FBXL17: variants seen among roughly 807,000 people sequenced by gnomAD.
FBXL17 encodes F-box and leucine rich repeat protein 17.
In FBXL17, 22 loss-of-function variants were observed where a neutral mutation model predicts 66.2. The observed-to-expected ratio is 0.33, with a 90% CI of 0.24 to 0.47. FBXL17 has a LOEUF of 0.47. FBXL17 is among the 20% of genes least tolerant of loss of function. FBXL17 has a pLI of 1.00. For missense variants in FBXL17, 878 were observed against 948.2 expected (o/e 0.93, Z 0.97); for synonymous variants, 474 against 400.5 (o/e 1.18, Z -2.19).
At chr5:108,255,053 T>C (rs1207041366) in intron 4 of FBXL17, among the ~76,000 whole-genome samples, 1 of 152,202 alleles carries the variant, frequency 6.6e-6, no homozygotes, top group Non-Finnish European at 1.5e-5. Context: ...AAGTAAGTAT[T>C]ATCTCCATCA....
chr5:108,290,000 G>C (rs148124851), intron 4 of FBXL17, among the ~76,000 whole-genome samples: 10 of 152,280 alleles, frequency 6.6e-5, no homozygotes, highest in Non-Finnish European at 1.5e-4. Flanking sequence ...TTCATAGGGA[G>C]AGAATCTACT....
intron 4 of FBXL17, among the ~76,000 whole-genome samples, chr5:108,341,013 G>A (rs925509573): frequency 4.6e-5 from 7 of 152,086 alleles, no homozygotes; most frequent in African/African-American, 1.2e-4. Flanking sequence ...CATATATGCC[G>A]TAGAGAACTC....
chr5:107,979,488 G>C (rs901982634), intron 7 of FBXL17, among the ~76,000 whole-genome samples: 1 of 152,186 alleles, frequency 6.6e-6, no homozygotes, highest in Non-Finnish European at 1.5e-5. Context: ...GTTAAATTGC[G>C]TAATGGTGTG....
At chr5:108,247,166 C>T (rs967425634) in intron 4 of FBXL17, among the ~76,000 whole-genome samples, 3 of 152,022 alleles carry the variant, frequency 2.0e-5, no homozygotes, top group East Asian at 1.9e-4. Context: ...AATGCTAAAA[C>T]GATTATGTAA....
At chr5:108,376,786 CTTTTT>C (rs11286870) in intron 1 of FBXL17, among the ~76,000 whole-genome samples, 4 of 110,028 alleles carry the variant, frequency 3.6e-5, no homozygotes, top group Admixed American at 9.3e-5. Flanking sequence ...AGTGTATATT[CTTTTT>C]TTTTTTTTTT....
intron 6 of FBXL17, among the ~76,000 whole-genome samples, chr5:108,145,258 G>C (rs1029621885): frequency 6.6e-6 from 1 of 152,114 alleles, no homozygotes; most frequent in Admixed American, 6.5e-5. Flanking sequence ...GGAAGTACTT[G>C]TAGGAAAAAT....
intron 4 of FBXL17, chr5:108,298,006 C>G (rs1487191145): frequency 1.0e-6 from 1 of 984,354 alleles, no homozygotes; most frequent in Non-Finnish European, 1.2e-6. Context: ...ATGTAAGCTA[C>G]AGTCACCAAA....
At chr5:108,343,384 G>A (rs1417638566) in intron 4 of FBXL17, among the ~76,000 whole-genome samples, 2 of 152,120 alleles carry the variant, frequency 1.3e-5, no homozygotes, top group Admixed American at 1.3e-4. Flanking sequence ...ATATACTCTG[G>A]ATGATTTGGG....
chr5:107,946,623 G>C (rs1405153042), intron 7 of FBXL17, among the ~76,000 whole-genome samples: 1 of 151,808 alleles, frequency 6.6e-6, no homozygotes, highest in Non-Finnish European at 1.5e-5. Flanking sequence ...ATTTAATCTT[G>C]AATCACAATC....
At chr5:108,270,572 G>C (rs1298152586) in intron 4 of FBXL17, among the ~76,000 whole-genome samples, 3 of 150,168 alleles carry the variant, frequency 2.0e-5, no homozygotes, top group Admixed American at 6.7e-5. Context: ...AATTTGTCTA[G>C]TAAAACCAAA....
intron 4 of FBXL17, among the ~76,000 whole-genome samples, chr5:108,316,606 C>T (rs1759374447): frequency 6.6e-6 from 1 of 151,190 alleles, no homozygotes; most frequent in Admixed American, 6.6e-5. Context: ...ATTCAGAAGA[C>T]AAAACTTATT....
At chr5:108,021,056 G>A (rs929094380) in intron 6 of FBXL17, 55 bp from the exon 7 acceptor site, 117 of 1,282,794 alleles carry the variant, frequency 9.1e-5, no homozygotes, top group Middle Eastern at 1.9e-4. Flanking sequence ...ATTAGCAGGG[G>A]TTTGAATATA....
chr5:108,366,696 T>C (rs1748688234), intron 2 of FBXL17, among the ~76,000 whole-genome samples: 1 of 152,046 alleles, frequency 6.6e-6, no homozygotes, highest in African/African-American at 2.4e-5. Context: ...TCCATTCTAC[T>C]GCCCACAACT....
chr5:108,160,103 G>A (rs1364408018), intron 6 of FBXL17, among the ~76,000 whole-genome samples: 1 of 152,120 alleles, frequency 6.6e-6, no homozygotes, highest in African/African-American at 2.4e-5. Flanking sequence ...TGATTTGGAG[G>A]ACCTATTTGT....
At chr5:108,060,996 A>T (rs1354104901) in intron 6 of FBXL17, among the ~76,000 whole-genome samples, 1 of 152,024 alleles carries the variant, frequency 6.6e-6, no homozygotes, top group South Asian at 2.1e-4. Flanking sequence ...AATTCAAAAA[A>T]ATTTTCCTGA....
chr5:108,081,409 A>G (rs1465725791), intron 6 of FBXL17, among the ~76,000 whole-genome samples: 2 of 152,134 alleles, frequency 1.3e-5, no homozygotes, highest in East Asian at 3.9e-4. Flanking sequence ...CCTTACCATT[A>G]AGACTGCTTC....
chr5:108,121,021 A>C (rs990815041), intron 6 of FBXL17, among the ~76,000 whole-genome samples: 6 of 152,212 alleles, frequency 3.9e-5, no homozygotes, highest in Non-Finnish European at 8.8e-5. Context: ...CTAAGTAAAC[A>C]GGCTATACCG....
intron 6 of FBXL17, among the ~76,000 whole-genome samples, chr5:108,102,216 A>G (rs1749629345): frequency 6.6e-6 from 1 of 152,228 alleles, no homozygotes; most frequent in East Asian, 1.9e-4. Flanking sequence ...GCCTGGTCCC[A>G]AAACAAAAAC....
At chr5:108,126,850 A>G (rs1750736114) in intron 6 of FBXL17, among the ~76,000 whole-genome samples, 1 of 151,786 alleles carries the variant, frequency 6.6e-6, no homozygotes, top group Non-Finnish European at 1.5e-5. Flanking sequence ...AAAGAAAAAG[A>G]AGAAAAAAAT....
Sources: allele counts gnomAD v4.1 joint callset (sites outside exome capture counted in the v4.1 genomes callset), GRCh38; gene constraint gnomAD v4.1.1; transcripts MANE v1.5; gene names NCBI Gene and HGNC (gene_info 2026-07-23, HGNC 2026-07-21).